Variants in TNFRSF8 observed in about 807,000 individuals in gnomAD.
TNFRSF8 encodes TNF receptor superfamily member 8.
In TNFRSF8, 26 loss-of-function variants were observed where a neutral mutation model predicts 70.8. The ratio of observed to expected loss-of-function variants is 0.37; its 90% CI spans 0.27 to 0.51. TNFRSF8 has a LOEUF of 0.51. TNFRSF8 is among the 20% of genes least tolerant of loss of function. The pLI, the probability that TNFRSF8 is intolerant of heterozygous loss-of-function variation, is 0.94. For missense variants in TNFRSF8, 720 were observed against 807.9 expected, an observed-to-expected ratio of 0.89 and a Z score of 1.32; for synonymous variants, 356 against 339.2, an observed-to-expected ratio of 1.05 and a Z score of -0.54.
intron 4 of TNFRSF8, 60 bp downstream of exon 4, chr1:12,104,591 G>A (rs1470434650): frequency 1.1e-5 from 18 of 1,596,706 alleles, no homozygotes; most frequent in South Asian, 2.2e-5. Context: ...TGCACCTTCC[G>A]CCCACCCCAG....
rs556946438 is a variant in TNFRSF8, at chr1:12,088,095, T to G, written c.151+3544T>G. Among the ~76,000 whole-genome samples the G allele has an allele frequency of 1.3e-5, 2 of 152,026 alleles. 1 individual carries two copies. The highest frequency in any genetic ancestry group is 4.2e-4 in the South Asian group (2 of 4,816). On this transcript the variant is annotated intron_variant, in intron 2 of 14. Transcript: ENST00000263932. This position sits in a 1 kb window ranked among gnomAD's most constrained non-coding sequence, Gnocchi z 4.0. ...CCGGGTTTGCTTGTGGGCGGGTTGG[T>G]GGAGGAAGGAAGCTGAGGGACCTTT... is the stretch of plus-strand genomic sequence containing the variant.
chr1:12,063,743 C>T lies in TNFRSF8; in HGVS notation c.63+82C>T, dbSNP rs919718140. The T allele has an allele frequency of 4.2e-6, 5 of 1,196,838 alleles. No homozygotes were observed. In the African/African-American group the frequency reaches 6.3e-5, roughly 15 times the overall value. The allele number at this position is 1,196,838 out of a possible 1,614,324, so 74.1% of individuals were successfully genotyped here. A position where few individuals can be genotyped will look rare whatever the true frequency, so the allele number is the denominator to read the frequency against. ...GGGGTGCGTGGGACGCAAGGGAGGA[C>T]ACTCCTCACCCCGTTCCCTGCCCAG... On this transcript the variant is annotated intron_variant, in intron 1 of 14. Coordinates refer to ENST00000263932, the MANE Select transcript of TNFRSF8 (RefSeq NM_001243.5). This position sits in a 1 kb window ranked among gnomAD's most constrained non-coding sequence, Gnocchi z 7.2.
chr1:12,087,959 C>T (rs989081071), intron 2 of TNFRSF8, among the ~76,000 whole-genome samples: 1 of 151,854 alleles, frequency 6.6e-6, no homozygotes, highest in African/African-American at 2.4e-5. Context: ...CTTGTGCTTC[C>T]GTGTAGCCAG....
rs1642286910 is a variant in TNFRSF8 at position 12,143,058 on chromosome 1, C to T, written c.*527C>T. 1 of 155,090 alleles carries T rather than the reference C, an allele frequency of 6.4e-6. No individual in the cohort carries two copies. 9.6% of individuals were successfully genotyped at this position (155,090 alleles called of 1,614,324 possible). On this transcript the variant is annotated 3_prime_UTR_variant, in exon 15 of 15. Transcript: ENST00000263932. This position sits in a 1 kb window ranked among gnomAD's most constrained non-coding sequence, Gnocchi z 4.1. ...GGAGCCAGTGCCTGTGGTTGTTTCT[C>T]CAGAGTCAAAAGGGAAGTCGAGGGA...
chr1:12,071,463 A>G (rs1640844392), intron 1 of TNFRSF8, among the ~76,000 whole-genome samples: 1 of 152,202 alleles, frequency 6.6e-6, no homozygotes, highest in Admixed American at 6.5e-5. Flanking sequence ...GTCTATGATA[A>G]GGCAGCAGAG....
rs117495121 is a variant in TNFRSF8 at position 12,081,947 on chromosome 1, C to T, written c.64-2517C>T. ...ATGCTACAAGGCTTCCTCCCTGCCTCTTGCCTCACTTCCTGCTTCCCTTCT... is the reference window on the plus strand; with the variant it reads ...ATGCTACAAGGCTTCCTCCCTGCCTTTTGCCTCACTTCCTGCTTCCCTTCT... On this transcript the variant is annotated intron_variant, in intron 1 of 14. Transcript: ENST00000263932. Among the ~76,000 whole-genome samples, 33 of 121,704 alleles carry T rather than the reference C, an allele frequency of 2.7e-4. No homozygotes were observed. In the South Asian group the frequency reaches 2.8e-3, roughly 10 times the overall value. The allele number at this position is 121,704 out of a possible 152,430, so 79.8% of individuals were successfully genotyped here. A position where few individuals can be genotyped will look rare whatever the true frequency, so the allele number is the denominator to read the frequency against.
At position 12,066,248 on chromosome 1, in the gene TNFRSF8, C is replaced by T. The variant is rs1009369466; in HGVS notation, c.63+2587C>T. Among the ~76,000 whole-genome samples the T allele has an allele frequency of 9.2e-5, 14 of 152,054 alleles. No homozygotes were observed. In the South Asian group the frequency reaches 2.9e-3, roughly 32 times the overall value. On this transcript the variant is annotated intron_variant, in intron 1 of 14. Transcript: ENST00000263932. ...CTGCCCAACACAGTACTCCTTTTTG[C>T]CCCTCAAGCCTTCTCCCACTTCTGT...
chr1:12,081,711 C>T (rs1016420213), intron 1 of TNFRSF8, among the ~76,000 whole-genome samples: 2 of 152,066 alleles, frequency 1.3e-5, no homozygotes, highest in South Asian at 2.1e-4. Context: ...CTTCCAGCCA[C>T]GCTGCTGCTT....
At chr1:12,114,204 C>G (rs1282038118) in intron 7 of TNFRSF8, among the ~76,000 whole-genome samples, 1 of 152,182 alleles carries the variant, frequency 6.6e-6, no homozygotes, top group East Asian at 1.9e-4. Context: ...CTCTGTGCCT[C>G]AGTTTCCTCT....
chr1:12,078,313 C>T (rs367844144), intron 1 of TNFRSF8, among the ~76,000 whole-genome samples: 1 of 152,150 alleles, frequency 6.6e-6, no homozygotes, highest in East Asian at 1.9e-4. Flanking sequence ...CCTGTAATCC[C>T]AGCACTTTGG....
chr1:12,142,235 A>G lies in TNFRSF8; in HGVS notation c.1544-52A>G, dbSNP rs1326872608. On this transcript the variant is annotated intron_variant, in intron 14 of 14. Transcript: ENST00000263932. The surrounding 1 kb of genome is among the most constrained non-coding windows in gnomAD (Gnocchi z 5.0). ...GGCCCTTCTCTGCCTCTTTGCTCCC[A>G]TCCTGGCTGGTGCTCTGGCCTCCCT... 2 of 1,511,256 alleles carry G rather than the reference A, an allele frequency of 1.3e-6. No homozygotes were observed. Among genetic ancestry groups the G allele is most frequent in the Non-Finnish European group, 1.8e-6 (2 of 1,124,118 alleles). The allele number at this position is 1,511,256 out of a possible 1,614,324, so 93.6% of individuals were successfully genotyped here.
intron 12 of TNFRSF8, among the ~76,000 whole-genome samples, chr1:12,133,879 C>G (rs1427500763): frequency 6.6e-6 from 1 of 152,056 alleles, no homozygotes; most frequent in African/African-American, 2.4e-5. Flanking sequence ...ATGGTGAAAC[C>G]TTGTTTCTAC....
rs145480658 is a variant in TNFRSF8, at chr1:12,068,183, A to T, written c.63+4522A>T. On this transcript the variant is annotated intron_variant, in intron 1 of 14. Coordinates refer to ENST00000263932, the MANE Select transcript of TNFRSF8 (RefSeq NM_001243.5). ...CCTTCTTCACATCAGGACAATCATCAGAAGGAAAATGGGGCTGAAGGATGA... is the reference window on the plus strand; with the variant it reads ...CCTTCTTCACATCAGGACAATCATCTGAAGGAAAATGGGGCTGAAGGATGA... Among the ~76,000 whole-genome samples, 1,047 of 152,250 alleles carry T rather than the reference A, an allele frequency of 6.9e-3. 14 individuals are homozygous for T. Among genetic ancestry groups the T allele is most frequent in the African/African-American group, 0.024 (1,001 of 41,546 alleles).
intron 1 of TNFRSF8, among the ~76,000 whole-genome samples, chr1:12,076,104 T>TC (rs1213126772): frequency 2.5e-5 from 2 of 79,318 alleles, no homozygotes; most frequent in Non-Finnish European, 4.2e-5. Context: ...TTTCTTTTTC[T>TC]TTTTTTTTTT....
chr1:12,072,669 C>T (rs1395657108), intron 1 of TNFRSF8, among the ~76,000 whole-genome samples: 2 of 152,142 alleles, frequency 1.3e-5, no homozygotes, highest in Non-Finnish European at 2.9e-5. Flanking sequence ...CTCCTAGAGG[C>T]GTCGCCCACA....
At chr1:12,123,059 C>G (rs992241629) in intron 8 of TNFRSF8, among the ~76,000 whole-genome samples, 1 of 152,130 alleles carries the variant, frequency 6.6e-6, no homozygotes, top group Non-Finnish European at 1.5e-5. Context: ...GAACTCCTGA[C>G]CTCAAGTGGT....
chr1:12,090,092 C>G (rs1405632871), intron 2 of TNFRSF8, among the ~76,000 whole-genome samples: 2 of 148,718 alleles, frequency 1.3e-5, no homozygotes, highest in Non-Finnish European at 3.0e-5. Flanking sequence ...TCCACTCTTC[C>G]CTAACCCATC....
In TNFRSF8 at chr1:12,063,702, A is replaced by G; in HGVS notation, c.63+41A>G. 1 of 1,265,040 alleles carries G rather than the reference A, an allele frequency of 7.9e-7. No homozygotes were observed. Among genetic ancestry groups the G allele is most frequent in the Non-Finnish European group, 1.0e-6 (1 of 996,272 alleles). 78.4% of individuals were successfully genotyped at this position (1,265,040 alleles called of 1,614,324 possible). A position where few individuals can be genotyped will look rare whatever the true frequency, so the allele number is the denominator to read the frequency against. ...GCGCCTGGGGAGGTGCCGGCGGTCC[A>G]GAGCCCGGACAGTGTGGGGTGCGTG... On this transcript the variant is annotated intron_variant, in intron 1 of 14. Transcript: ENST00000263932. This position sits in a 1 kb window ranked among gnomAD's most constrained non-coding sequence, Gnocchi z 7.2.
chr1:12,070,572 TGCCTGC>T (rs1488102374), intron 1 of TNFRSF8, among the ~76,000 whole-genome samples: 1 of 152,152 alleles, frequency 6.6e-6, no homozygotes, highest in African/African-American at 2.4e-5. Flanking sequence ...GTGATCCTCC[TGCCTGC>T]GCCTCCTATT....
Sources: gnomAD v4.1 joint callset for allele counts (sites outside exome capture counted in the v4.1 genomes callset) on GRCh38, gnomAD v4.1.1 for gene constraint, Gnocchi (gnomAD v3.1) non-coding constraint, MANE v1.5 for transcripts, NCBI Gene and HGNC (gene_info 2026-07-23, HGNC 2026-07-21) for gene names.